LARP1B: variants seen among roughly 807,000 people sequenced by gnomAD.
LARP1B encodes the protein la-related protein 1B.
Under a neutral mutation model 114.2 loss-of-function variants are expected in LARP1B, and 76 were observed. The ratio of observed to expected loss-of-function variants is 0.67; its 90% confidence interval spans 0.55 to 0.81. The LOEUF is 0.81. Among genes scored for constraint, LARP1B ranks in the 30% least tolerant of loss-of-function variants. The pLI, the probability that LARP1B is intolerant of heterozygous loss-of-function variation, is 0.00. For synonymous variants in LARP1B, 345 were observed against 348.0 expected, an observed-to-expected ratio of 0.99 and a Z score of 0.10; for missense variants, 1,014 against 1,075.8, an observed-to-expected ratio of 0.94 and a Z score of 0.80.
At chr4:128,093,998 A>T (rs12651269) in intron 7 of LARP1B, among the ~76,000 whole-genome samples, 1 of 150,058 alleles carries the variant, frequency 6.7e-6, no homozygotes, top group African/African-American at 2.4e-5. Flanking sequence ...GGCGTGAACC[A>T]CCGTGCCTGA....
intron 10 of LARP1B, among the ~76,000 whole-genome samples, chr4:128,120,619 G>A (rs936726946): frequency 4.0e-5 from 6 of 151,196 alleles, no homozygotes; most frequent in African/African-American, 1.2e-4. Context: ...ACAGGTGTGT[G>A]CCACTATACC....
rs199670384 is a variant in LARP1B, at chr4:128,129,823, G to GA, written c.1524+7647dup. On this transcript the variant is annotated intron_variant, in intron 11 of 19. Transcript: ENST00000326639. ...TGCTAGAACAGCTGAGCATTGAGGTGAAAAAAAAAAAATGAATCTTCACCC... is the reference window on the plus strand; with the variant it reads ...TGCTAGAACAGCTGAGCATTGAGGTGAAAAAAAAAAAAATGAATCTTCACCC... 9.1e-3 allele frequency among the ~76,000 whole-genome samples: 1,296 copies of GA among 142,276 alleles called. 11 individuals are homozygous for GA. Among genetic ancestry groups the GA allele is most frequent in the Non-Finnish European group, 0.01 (678 of 64,798 alleles). The allele number at this position is 142,276 out of a possible 152,430, so 93.3% of individuals were successfully genotyped here. A position where few individuals can be genotyped will look rare whatever the true frequency, so the allele number is the denominator to read the frequency against.
chr4:128,148,599 A>G (rs1731316703), intron 11 of LARP1B, among the ~76,000 whole-genome samples: 1 of 151,410 alleles, frequency 6.6e-6, no homozygotes, highest in Admixed American at 6.6e-5. Flanking sequence ...TTAGAAGCTG[A>G]TTTTTTTTTA....
chr4:128,122,701 TA>T, intron 11 of LARP1B: 2 of 1,301,530 alleles, frequency 1.5e-6, no homozygotes, highest in Non-Finnish European at 1.9e-6. Context: ...TATAAATGAC[TA>T]AACTGGATGA....
rs761237867 is a variant in LARP1B at position 128,091,175 on chromosome 4, G to A, written c.502+31G>A. 108 of 1,598,406 alleles carry A rather than the reference G, an allele frequency of 6.8e-5. No homozygotes were observed. The Middle Eastern group carries it at 1.1e-3, about 17-fold the overall frequency. On this transcript the variant is annotated intron_variant, in intron 6 of 19. Coordinates refer to ENST00000326639, the MANE Select transcript of LARP1B (RefSeq NM_018078.4). ...ACATAATTTTTGTTTCGTTAAATTA[G>A]ATAAACTTTGAAAAAAATAGAGCAA...
At chr4:128,080,823 T>G (rs1214059045) in intron 4 of LARP1B, among the ~76,000 whole-genome samples, 1 of 152,150 alleles carries the variant, frequency 6.6e-6, no homozygotes, top group Non-Finnish European at 1.5e-5. Flanking sequence ...TTAAACAAAT[T>G]TTATACTTAT....
exon 8 of LARP1B, chr4:128,222,463 C>T: frequency 2.3e-6 from 1 of 426,060 alleles, no homozygotes; most frequent in Admixed American, 2.5e-5. Context: ...GTCGCCGCCC[C>T]ACCCCACATC....
chr4:128,165,521 G>A (rs995595077), intron 12 of LARP1B, among the ~76,000 whole-genome samples: 1 of 151,954 alleles, frequency 6.6e-6, no homozygotes, highest in African/African-American at 2.4e-5. Flanking sequence ...GAAGGTAAAG[G>A]ATGGGAAATC....
At chr4:128,148,173 G>A (rs1731154705) in intron 11 of LARP1B, among the ~76,000 whole-genome samples, 1 of 152,178 alleles carries the variant, frequency 6.6e-6, no homozygotes. Flanking sequence ...GCACATGCCT[G>A]TAATCCTAGC....
rs1021529675 is a variant in LARP1B at position 128,222,594 on chromosome 4, A to C, written n.1180A>C. On this transcript the variant is annotated non_coding_transcript_exon_variant, in exon 8 of 8. Coordinates refer to the LARP1B transcript ENST00000503725. The stretch of plus-strand genomic sequence containing the variant: ...CTTCAACAAAAATTTACCTCCCACC[A>C]AGAGAAGTTGTCTTTATTGTGAGAA... 1.4e-5 allele frequency: 4 copies of C among 277,486 alleles called. No homozygotes were observed. The Admixed American group carries it at 1.8e-4, about 13-fold the overall frequency. 17.2% of individuals were successfully genotyped at this position (277,486 alleles called of 1,614,324 possible).
intron 11 of LARP1B, among the ~76,000 whole-genome samples, chr4:128,124,979 A>G (rs997991983): frequency 2.6e-5 from 4 of 152,180 alleles, no homozygotes; most frequent in African/African-American, 9.6e-5. Context: ...GTTTTGGTGG[A>G]TCCAGAAGCT....
At chr4:128,163,889 C>A (rs1160644168) in intron 12 of LARP1B, among the ~76,000 whole-genome samples, 4 of 152,060 alleles carry the variant, frequency 2.6e-5, no homozygotes, top group Non-Finnish European at 5.9e-5. Flanking sequence ...TGTTTCCCAC[C>A]CCACAGAAGG....
chr4:128,094,386 TTC>T (rs1418504202), intron 7 of LARP1B, among the ~76,000 whole-genome samples: 1 of 150,144 alleles, frequency 6.7e-6, no homozygotes, highest in African/African-American at 2.5e-5. Flanking sequence ...TTTTCCTTTT[TTC>T]TTTTTCTTTT....
In LARP1B at chr4:128,084,638, G is replaced by C. The variant is rs1277610973; in HGVS notation, c.358+2333G>C. 2.0e-5 allele frequency among the ~76,000 whole-genome samples: 3 copies of C among 151,638 alleles called. No homozygotes were observed. In the East Asian group the frequency reaches 5.8e-4, roughly 29 times the overall value. ...AGAGGGAGAGGGGAGAGGGGAGGGG[G>C]AGAGGGAGAGGGAGAGGGAGAGCGG... On this transcript the variant is annotated intron_variant, in intron 5 of 19. Coordinates refer to ENST00000326639, the MANE Select transcript of LARP1B (RefSeq NM_018078.4).
intron 4 of LARP1B, among the ~76,000 whole-genome samples, chr4:128,080,493 T>C (rs1376237912): frequency 6.6e-6 from 1 of 152,226 alleles, no homozygotes; most frequent in Admixed American, 6.5e-5. Flanking sequence ...TATATTCACT[T>C]TTCCTCATTT....
intron 1 of LARP1B, among the ~76,000 whole-genome samples, chr4:128,071,567 G>A (rs368612587): frequency 1.7e-4 from 26 of 151,210 alleles, no homozygotes; most frequent in Middle Eastern, 3.4e-3. Flanking sequence ...GATTACAGGC[G>A]TCTACCACCA....
Position 128,078,013 on chromosome 4 carries a change from A to C in LARP1B, c.217+51A>C, listed in dbSNP as rs1204442634. 2.4e-6 allele frequency: 3 copies of C among 1,263,740 alleles called. No homozygotes were observed. The African/African-American group carries it at 4.5e-5, about 19-fold the overall frequency. 78.3% of individuals were successfully genotyped at this position (1,263,740 alleles called of 1,614,324 possible). On this transcript the variant is annotated intron_variant, in intron 4 of 19. Transcript: ENST00000326639. ...GATTTTAGTTTTTGAAGAAAGTTGT[A>C]ATGAGGAATTACATTTCATTAACTG...
intron 11 of LARP1B, among the ~76,000 whole-genome samples, chr4:128,160,499 T>C (rs889661910): frequency 6.6e-6 from 1 of 152,182 alleles, no homozygotes; most frequent in Admixed American, 6.5e-5. Context: ...CATTGAGATA[T>C]ATACTTATGA....
intron 10 of LARP1B, among the ~76,000 whole-genome samples, chr4:128,116,245 G>A (rs1785779393): frequency 6.6e-6 from 1 of 152,156 alleles, no homozygotes; most frequent in Non-Finnish European, 1.5e-5. Flanking sequence ...TCACAAATGA[G>A]TGCAAGTAAA....
Sources: gnomAD v4.1 joint callset for allele counts (sites outside exome capture counted in the v4.1 genomes callset) on GRCh38, gnomAD v4.1.1 for gene constraint, MANE v1.5 for transcripts, NCBI Gene and HGNC (gene_info 2026-07-23, HGNC 2026-07-21) for gene names.